The following CSMD1 variants were observed in gnomAD, a reference collection of about 807,000 sequenced individuals.
The protein encoded by CSMD1 is CUB and sushi domain-containing protein 1.
Under a neutral mutation model 417.5 loss-of-function variants are expected in CSMD1, and 213 were observed. The ratio of observed to expected loss-of-function variants is 0.51; its 90% CI spans 0.46 to 0.57. The LOEUF is 0.57. CSMD1 is among the 20% of genes least tolerant of loss of function. The pLI is 0.00. For synonymous variants in CSMD1, 2,862 were observed against 1,736.8 expected, an observed-to-expected ratio of 1.65 and a Z score of -16.11; for missense variants, 6,923 against 4,529.7, an observed-to-expected ratio of 1.53 and a Z score of -15.17.
chr8:3,575,458 A>G (rs1481833892), intron 9 of CSMD1, among the ~76,000 whole-genome samples: 5 of 152,192 alleles, frequency 3.3e-5, no homozygotes, highest in Admixed American at 3.3e-4. Context: ...GTGCGACTGC[A>G]GTAAGATAGA....
At chr8:3,533,532 C>CA (rs1392325531) in intron 10 of CSMD1, among the ~76,000 whole-genome samples, 3 of 152,132 alleles carry the variant, frequency 2.0e-5, no homozygotes, top group Non-Finnish European at 4.4e-5. Context: ...GATTCAAAGA[C>CA]ATCTCTCACT....
intron 2 of CSMD1, among the ~76,000 whole-genome samples, chr8:4,469,143 A>G (rs940722001): frequency 6.6e-6 from 1 of 152,156 alleles, no homozygotes; most frequent in Non-Finnish European, 1.5e-5. Flanking sequence ...AGGAAAATGG[A>G]AGAAGGCACT....
chr8:3,226,647 T>C (rs1479873056), intron 27 of CSMD1, among the ~76,000 whole-genome samples: 1 of 149,566 alleles, frequency 6.7e-6, no homozygotes, highest in Admixed American at 6.7e-5. Context: ...CTAGACTAAG[T>C]CAAAAAGCTA....
chr8:4,031,698 T>A (rs765223642), intron 4 of CSMD1, among the ~76,000 whole-genome samples: 1 of 152,200 alleles, frequency 6.6e-6, no homozygotes, highest in South Asian at 2.1e-4. Flanking sequence ...CATACTAACA[T>A]GCAATATTAA....
At chr8:3,609,255 A>ATG (rs1168902378) in intron 8 of CSMD1, among the ~76,000 whole-genome samples, 3 of 152,196 alleles carry the variant, frequency 2.0e-5, no homozygotes, top group Non-Finnish European at 4.4e-5. Context: ...TGAACAATAG[A>ATG]TGACAGTACC....
At chr8:4,156,527 T>A (rs1043279570) in intron 3 of CSMD1, among the ~76,000 whole-genome samples, 1 of 152,210 alleles carries the variant, frequency 6.6e-6, no homozygotes. Context: ...AAGTTCCTCT[T>A]ATTTGACTTA....
intron 9 of CSMD1, among the ~76,000 whole-genome samples, chr8:3,584,549 T>C (rs1184571186): frequency 1.3e-5 from 2 of 152,120 alleles, no homozygotes; most frequent in African/African-American, 2.4e-5. Context: ...GTGTGTGATA[T>C]CTTTGGGATA....
chr8:3,119,376 T>G (rs1420966285), intron 41 of CSMD1, among the ~76,000 whole-genome samples: 1 of 131,516 alleles, frequency 7.6e-6, no homozygotes, highest in Non-Finnish European at 1.6e-5. Context: ...GTTTTTTTAG[T>G]CTTTTTCTAA....
intron 30 of CSMD1, among the ~76,000 whole-genome samples, chr8:3,210,986 G>T (rs540118296): frequency 3.9e-4 from 59 of 151,958 alleles, no homozygotes; most frequent in Non-Finnish European, 6.8e-4. Context: ...AATACACCAG[G>T]GGATGCAAAA....
At chr8:3,030,716 C>T (rs1810288336) in intron 50 of CSMD1, among the ~76,000 whole-genome samples, 1 of 152,012 alleles carries the variant, frequency 6.6e-6, no homozygotes, top group Non-Finnish European at 1.5e-5. Flanking sequence ...AACTCCTGAC[C>T]TCAAGCGATC....
rs187450660 is a variant in CSMD1 at position 4,344,626 on chromosome 8, C to G, written c.415+75327G>C. ...TTATGAGTTACACTACCGCTATGCT[C>G]AAAGGAAGGTTTGTTTAAAAGCACT... is the stretch of plus-strand genomic sequence containing the variant. On this transcript the variant is annotated intron_variant, in intron 3 of 69. Coordinates refer to ENST00000635120, the MANE Select transcript of CSMD1 (RefSeq NM_033225.6). Among the ~76,000 whole-genome samples the G allele has an allele frequency of 8.7e-4, 132 of 151,632 alleles. 1 individual carries two copies. The highest frequency in any genetic ancestry group is 3.1e-3 in the African/African-American group (130 of 41,398).
intron 1 of CSMD1, among the ~76,000 whole-genome samples, chr8:4,704,813 G>C (rs1209665207): frequency 6.6e-6 from 1 of 152,154 alleles, no homozygotes; most frequent in East Asian, 1.9e-4. Flanking sequence ...AGTGAGCTTG[G>C]AAGTGCTTCC....
At chr8:4,501,172 A>T (rs1802242315) in intron 2 of CSMD1, among the ~76,000 whole-genome samples, 1 of 152,132 alleles carries the variant, frequency 6.6e-6, no homozygotes, top group African/African-American at 2.4e-5. Context: ...ATGTGTATGC[A>T]TATATATGTA....
At chr8:4,214,397 A>T (rs1372165713) in intron 3 of CSMD1, among the ~76,000 whole-genome samples, 1 of 152,176 alleles carries the variant, frequency 6.6e-6, no homozygotes, top group African/African-American at 2.4e-5. Context: ...TCCTGGATTC[A>T]ATCGATTCAA....
rs185713105 is a variant in CSMD1, at chr8:3,409,550, C to T, written c.1617G>A (p.Thr539=). The change falls in exon 13 of 70, where the codon ACG becomes ACA. Residue 539 remains threonine, a synonymous_variant. Transcript: ENST00000635120. ...TATCTCCATGGAGGAAACTGCTGCC[C>T]GTCCGCTTCCCATAGGCGGGGATTC... is the stretch of plus-strand genomic sequence containing the variant. The part of the protein sequence containing the change: ...DPGIPAYGKR[T]GSSFLHGDTL... The T allele has an allele frequency of 1.2e-5, 20 of 1,610,774 alleles. No individual in the cohort carries two copies. Among genetic ancestry groups the T allele is most frequent in the East Asian group, 6.7e-5 (3 of 44,750 alleles).
At chr8:3,179,569 A>G (rs24886) in intron 37 of CSMD1, among the ~76,000 whole-genome samples, 73,863 of 151,950 alleles carry the variant, frequency 0.49, 18,534 homozygotes, top group African/African-American at 0.6. Flanking sequence ...TGCATATCTC[A>G]CTGTATATAA....
chr8:3,877,710 G>A (rs1009063686), intron 5 of CSMD1, among the ~76,000 whole-genome samples: 2 of 152,104 alleles, frequency 1.3e-5, no homozygotes, highest in African/African-American at 4.8e-5. Context: ...ATTTTCATAT[G>A]CAGTCACAAT....
intron 46 of CSMD1, among the ~76,000 whole-genome samples, chr8:3,099,191 C>A (rs1487054402): frequency 6.6e-6 from 1 of 152,040 alleles, no homozygotes; most frequent in Admixed American, 6.6e-5. Context: ...ATAAGCAAAC[C>A]GCAATTACAA....
intron 50 of CSMD1, among the ~76,000 whole-genome samples, chr8:3,034,833 G>T (rs977598186): frequency 6.6e-6 from 1 of 152,112 alleles, no homozygotes; most frequent in African/African-American, 2.4e-5. Context: ...GAGAAATATA[G>T]AGGATGGTAG....
Sources: gnomAD v4.1 joint callset for allele counts (sites outside exome capture counted in the v4.1 genomes callset) on GRCh38, gnomAD v4.1.1 for gene constraint, MANE v1.5 for transcripts, NCBI Gene and HGNC (gene_info 2026-07-23, HGNC 2026-07-21) for gene names.